Variants in NKAIN3 observed in about 807,000 individuals in gnomAD.
The protein encoded by NKAIN3 is sodium/potassium-transporting ATPase subunit beta-1-interacting protein 3.
In NKAIN3, 25 loss-of-function variants were observed where a neutral mutation model predicts 30.2. The observed-to-expected ratio is 0.83, with a 90% CI of 0.60 to 1.16. The LOEUF is 1.16. NKAIN3 is among the 50% of genes most tolerant of loss of function. The probability of loss-of-function intolerance (pLI) is 0.00; values close to 1 mark genes in which losing one functional copy is unlikely to be tolerated. For missense variants in NKAIN3, 225 were observed against 254.1 expected (o/e 0.89, Z 0.78); for synonymous variants, 91 against 89.6 (o/e 1.02, Z -0.09).
intron 1 of NKAIN3, among the ~76,000 whole-genome samples, chr8:62,330,109 G>A (rs895710806): frequency 7.9e-5 from 12 of 152,044 alleles, no homozygotes; most frequent in African/African-American, 2.7e-4. Flanking sequence ...AGAAAAGCAT[G>A]GACGATTCCA....
chr8:62,313,751 C>G (rs1427100227), intron 1 of NKAIN3, among the ~76,000 whole-genome samples: 2 of 152,096 alleles, frequency 1.3e-5, no homozygotes, highest in Admixed American at 6.6e-5. Context: ...AATTTCAGCA[C>G]CATTTTTCAA....
chr8:62,412,847 G>A (rs1804291325), intron 1 of NKAIN3, among the ~76,000 whole-genome samples: 1 of 147,532 alleles, frequency 6.8e-6, no homozygotes, highest in Non-Finnish European at 1.5e-5. Flanking sequence ...AGGAGGTGAA[G>A]GTTGCAGTGA....
intron 3 of NKAIN3, among the ~76,000 whole-genome samples, chr8:62,712,538 C>T (rs1814756283): frequency 6.6e-6 from 1 of 152,082 alleles, no homozygotes; most frequent in Non-Finnish European, 1.5e-5. Flanking sequence ...CAATCACAGG[C>T]CTCACCCAGC....
intron 3 of NKAIN3, among the ~76,000 whole-genome samples, chr8:62,738,770 G>C (rs1444473152): frequency 1.3e-5 from 2 of 152,094 alleles, no homozygotes; most frequent in South Asian, 2.1e-4. Flanking sequence ...CTCCCATTCT[G>C]TAGGTTGCCT....
At chr8:62,869,761 CTGTTTT>C (rs1253671888) in intron 4 of NKAIN3, among the ~76,000 whole-genome samples, 15 of 151,326 alleles carry the variant, frequency 9.9e-5, no homozygotes, top group Admixed American at 2.0e-4. Flanking sequence ...TTGTTTGTTT[CTGTTTT>C]TGTTTTTGTT....
chr8:62,741,057 C>G (rs1346273662), intron 3 of NKAIN3, among the ~76,000 whole-genome samples: 2 of 150,116 alleles, frequency 1.3e-5, no homozygotes, highest in Non-Finnish European at 3.0e-5. Context: ...ATCTTCTCCT[C>G]TTAGTTTCTT....
At chr8:62,439,590 CTA>C (rs886087344) in intron 1 of NKAIN3, among the ~76,000 whole-genome samples, 25 of 152,280 alleles carry the variant, frequency 1.6e-4, no homozygotes, top group African/African-American at 5.3e-4. Flanking sequence ...ATGTTACTTT[CTA>C]TGTCAGACTT....
intron 1 of NKAIN3, among the ~76,000 whole-genome samples, chr8:62,510,972 G>A (rs1449750877): frequency 3.9e-5 from 6 of 152,040 alleles, no homozygotes; most frequent in African/African-American, 1.2e-4. Flanking sequence ...AGTGCTCCCA[G>A]GTTTCTGTCC....
intron 1 of NKAIN3, among the ~76,000 whole-genome samples, chr8:62,524,574 A>G (rs1282080730): frequency 1.3e-5 from 2 of 152,262 alleles, no homozygotes; most frequent in East Asian, 3.9e-4. Flanking sequence ...TTCAATCCAC[A>G]GTGAGTGGTT....
chr8:62,920,919 G>T (rs933506820), intron 5 of NKAIN3, among the ~76,000 whole-genome samples: 2 of 152,130 alleles, frequency 1.3e-5, no homozygotes, highest in South Asian at 2.1e-4. Context: ...TCAAATGAGG[G>T]TAATTTTATA....
intron 3 of NKAIN3, among the ~76,000 whole-genome samples, chr8:62,675,360 A>T (rs1813441893): frequency 6.6e-6 from 1 of 152,212 alleles, no homozygotes; most frequent in African/African-American, 2.4e-5. Flanking sequence ...TCACAAAAAT[A>T]ATTGAATAAT....
chr8:62,771,506 A>G (rs1439979682), intron 4 of NKAIN3, among the ~76,000 whole-genome samples: 1 of 152,122 alleles, frequency 6.6e-6, no homozygotes, highest in Non-Finnish European at 1.5e-5. Flanking sequence ...AAGAACAAAT[A>G]AAAGAACCTC....
At chr8:62,429,085 T>C (rs1804909866) in intron 1 of NKAIN3, among the ~76,000 whole-genome samples, 1 of 151,920 alleles carries the variant, frequency 6.6e-6, no homozygotes, top group African/African-American at 2.4e-5. Context: ...TTGAAGAGAC[T>C]GCCTTTTCCC....
At chr8:62,895,094 T>C (rs150912750) in intron 4 of NKAIN3, among the ~76,000 whole-genome samples, 1 of 152,186 alleles carries the variant, frequency 6.6e-6, no homozygotes, top group Admixed American at 6.6e-5. Context: ...GTTCTGTTGG[T>C]AAAGAATAAA....
Position 62,345,484 on chromosome 8 carries a change from T to TACATATACAC in NKAIN3, c.54+96358_54+96359insCATATACACA, listed in dbSNP as rs1563942698. Among the ~76,000 whole-genome samples the TACATATACAC allele has an allele frequency of 1.4e-4, 4 of 27,812 alleles. No homozygotes were observed. In the Admixed American group the frequency reaches 1.6e-3, roughly 11 times the overall value. The allele number at this position is 27,812 out of a possible 152,430, so 18.2% of individuals were successfully genotyped here. ...ATATACACATATATACACATATATG[T>TACATATACAC]ATATATACACACATATATACACATA... is the stretch of plus-strand genomic sequence containing the variant. On this transcript the variant is annotated intron_variant, in intron 1 of 6. Coordinates refer to ENST00000623646, the MANE Select transcript of NKAIN3 (RefSeq NM_001304533.3).
At chr8:62,337,778 CTATTA>C (rs1815613797) in intron 1 of NKAIN3, among the ~76,000 whole-genome samples, 1 of 151,950 alleles carries the variant, frequency 6.6e-6, no homozygotes, top group African/African-American at 2.4e-5. Context: ...TCCTTTCTTT[CTATTA>C]TATTTAATTT....
At chr8:62,730,797 C>T (rs1000401642) in intron 3 of NKAIN3, among the ~76,000 whole-genome samples, 1 of 151,972 alleles carries the variant, frequency 6.6e-6, no homozygotes, top group Non-Finnish European at 1.5e-5. Flanking sequence ...TTCTTCTTTC[C>T]CTTTAATTAC....
intron 1 of NKAIN3, among the ~76,000 whole-genome samples, chr8:62,296,139 AAAG>A (rs1477607465): frequency 2.0e-5 from 3 of 152,182 alleles, no homozygotes; most frequent in African/African-American, 7.2e-5. Flanking sequence ...TGTTTGGAGA[AAAG>A]AAGAGTTGTT....
intron 1 of NKAIN3, among the ~76,000 whole-genome samples, chr8:62,317,613 C>T (rs1238772462): frequency 6.6e-6 from 1 of 152,176 alleles, no homozygotes; most frequent in Non-Finnish European, 1.5e-5. Context: ...TCTGAGGGCT[C>T]TGTTCTGTTC....
Sources: allele counts gnomAD v4.1 joint callset (sites outside exome capture counted in the v4.1 genomes callset), GRCh38; gene constraint gnomAD v4.1.1; transcripts MANE v1.5; gene names NCBI Gene and HGNC (gene_info 2026-07-23, HGNC 2026-07-21).